SPATA13: variants seen among roughly 807,000 people sequenced by gnomAD.
SPATA13 encodes spermatogenesis associated 13, also known as spermatogenesis-associated protein 13.
SPATA13 carries 50 observed loss-of-function variants against 104.0 expected under a neutral mutation model. The ratio of observed to expected loss-of-function variants is 0.48; its 90% CI spans 0.38 to 0.61. SPATA13 has a LOEUF of 0.61. Among genes scored for constraint, SPATA13 ranks in the 20% least tolerant of loss-of-function variants. SPATA13 has a pLI of 0.00. For missense variants in SPATA13, 1,524 were observed against 1,690.6 expected, an observed-to-expected ratio of 0.90 and a Z score of 1.73; for synonymous variants, 606 against 667.5, an observed-to-expected ratio of 0.91 and a Z score of 1.42.
chr13:24,290,973 T>A, intron 9 of SPATA13, 89 bp downstream of exon 9: 2 of 1,060,646 alleles, frequency 1.9e-6, no homozygotes, highest in Non-Finnish European at 2.8e-6. Flanking sequence ...TAGGTGGGCT[T>A]CAGTGTCAGC....
chr13:24,035,062 A>G (rs982628448), intron 3 of SPATA13: 9 of 152,250 alleles, frequency 5.9e-5, no homozygotes, highest in Admixed American at 4.6e-4. Context: ...TTATCTCAAA[A>G]GACATGAGTT....
rs556434005 is a variant in SPATA13, at chr13:24,058,909, C to A, written c.-112+41208C>A. Among the ~76,000 whole-genome samples, 6 of 151,882 alleles carry A rather than the reference C, an allele frequency of 4.0e-5. No homozygotes were observed. In the East Asian group the frequency reaches 1.2e-3, roughly 29 times the overall value. ...TTGTTTACCCCAGTAATGATGCCAA[C>A]TCTGTCTCATGTAGACCTGTAAGCT... On this transcript the variant is annotated intron_variant, in intron 3 of 14. Transcript: ENST00000424834.
chr13:24,051,398 C>T lies in SPATA13; in HGVS notation c.-112+33697C>T, dbSNP rs967826283. Among the ~76,000 whole-genome samples the T allele has an allele frequency of 4.6e-5, 7 of 152,202 alleles. No individual in the cohort carries two copies. Among genetic ancestry groups the T allele is most frequent in the Admixed American group, 6.5e-5 (1 of 15,268 alleles). Reference sequence around the variant, plus strand: ...CTCTTAAGGACTGCCTGGCATCCCTCCCTATCTCCTTTCAGCCACACCAGG... The same window carrying T: ...CTCTTAAGGACTGCCTGGCATCCCTTCCTATCTCCTTTCAGCCACACCAGG... On this transcript the variant is annotated intron_variant, in intron 3 of 14. Transcript: ENST00000424834. This position sits in a 1 kb window ranked among gnomAD's most constrained non-coding sequence, Gnocchi z 4.2.
At chr13:24,110,167 T>C (rs370960870) in intron 3 of SPATA13, among the ~76,000 whole-genome samples, 8 of 151,674 alleles carry the variant, frequency 5.3e-5, no homozygotes, top group Non-Finnish European at 7.4e-5. Context: ...CCAGAGGAAG[T>C]GGGAGCAGTA....
At chr13:24,269,888 C>A (rs1384452572) in intron 4 of SPATA13, among the ~76,000 whole-genome samples, 1 of 151,218 alleles carries the variant, frequency 6.6e-6, no homozygotes, top group Admixed American at 6.6e-5. Context: ...CTTGCCCAGA[C>A]CTAATTTTTT....
chr13:24,255,261 A>C (rs1384553164), intron 4 of SPATA13, among the ~76,000 whole-genome samples: 1 of 152,138 alleles, frequency 6.6e-6, no homozygotes, highest in African/African-American at 2.4e-5. Flanking sequence ...GACTTGTAGT[A>C]GGATGCCTAC....
At chr13:24,281,980 T>C (rs1168424463) in intron 4 of SPATA13, among the ~76,000 whole-genome samples, 1 of 152,228 alleles carries the variant, frequency 6.6e-6, no homozygotes, top group Non-Finnish European at 1.5e-5. Context: ...GTGCATGAAA[T>C]ACTACTTCTG....
rs1375839236 is a variant in SPATA13 at position 24,012,926 on chromosome 13, GCA to G, written c.-146-4737_-146-4736del. Among the ~76,000 whole-genome samples the G allele has an allele frequency of 7.9e-5, 12 of 152,290 alleles. No individual in the cohort carries two copies. The East Asian group carries it at 1.9e-3, about 25-fold the overall frequency. ...CTCCCCAGCTGTGGCTGGGGACAGG[GCA>G]CACCTAGGCCACAACTCTCCCTCAT... On this transcript the variant is annotated intron_variant, in intron 2 of 14. Transcript: ENST00000424834.
At chr13:24,059,396 G>A (rs1209013472) in intron 3 of SPATA13, among the ~76,000 whole-genome samples, 1 of 152,040 alleles carries the variant, frequency 6.6e-6, no homozygotes, top group African/African-American at 2.4e-5. Flanking sequence ...TAGAGGGAGT[G>A]CCTTGTGTTT....
At chr13:24,225,365 G>A (rs761798312) in intron 2 of SPATA13, among the ~76,000 whole-genome samples, 7 of 152,230 alleles carry the variant, frequency 4.6e-5, no homozygotes, top group East Asian at 1.9e-4. Flanking sequence ...GCTGGCTTCC[G>A]CTGCAGGCAC....
At chr13:24,123,934 T>A in intron 3 of SPATA13, 1 of 548,864 alleles carries the variant, frequency 1.8e-6, no homozygotes, top group East Asian at 3.1e-5. Flanking sequence ...TCTTTCAGGC[T>A]TTTGAGATAA....
In SPATA13 at chr13:24,103,589, A is replaced by G. The variant is rs570977945; in HGVS notation, c.-112+85888A>G. On this transcript the variant is annotated intron_variant, in intron 3 of 14. Coordinates refer to the SPATA13 transcript ENST00000424834. The stretch of plus-strand genomic sequence containing the variant: ...ATACATATGGTAAAAAATGCCTGCC[A>G]GAGCACCAAAATGTTACTTAAACAT... Among the ~76,000 whole-genome samples, 11 of 152,140 alleles carry G rather than the reference A, an allele frequency of 7.2e-5. No individual in the cohort carries two copies. In the East Asian group the frequency reaches 1.2e-3, roughly 16 times the overall value.
At chr13:24,126,602 G>A (rs1383209907) in intron 3 of SPATA13, among the ~76,000 whole-genome samples, 1 of 152,194 alleles carries the variant, frequency 6.6e-6, no homozygotes, top group African/African-American at 2.4e-5. Flanking sequence ...TGTCACTCAG[G>A]CTGGAGTGCA....
At chr13:24,135,954 A>G (rs990925104) in intron 3 of SPATA13, among the ~76,000 whole-genome samples, 5 of 152,124 alleles carry the variant, frequency 3.3e-5, no homozygotes, top group Non-Finnish European at 5.9e-5. Flanking sequence ...TGGGATATTT[A>G]TTTTTAAGTG....
chr13:24,031,973 A>C (rs1000350735), intron 3 of SPATA13, among the ~76,000 whole-genome samples: 22 of 152,126 alleles, frequency 1.4e-4, no homozygotes, highest in African/African-American at 5.1e-4. Context: ...TCTGACAATG[A>C]TTCTTTTGCT....
intron 3 of SPATA13, among the ~76,000 whole-genome samples, chr13:24,096,907 T>C (rs1400670966): frequency 1.3e-5 from 2 of 152,186 alleles, no homozygotes. Flanking sequence ...AAGGAGATGC[T>C]GCTGAGGATT....
At chr13:24,017,246 G>C (rs1327095983) in intron 2 of SPATA13, among the ~76,000 whole-genome samples, 1 of 152,226 alleles carries the variant, frequency 6.6e-6, no homozygotes, top group African/African-American at 2.4e-5. Flanking sequence ...CTCAGTTAAT[G>C]CTCACAATTC....
At chr13:24,230,188 C>T (rs983681858) in intron 2 of SPATA13, among the ~76,000 whole-genome samples, 1 of 152,176 alleles carries the variant, frequency 6.6e-6, no homozygotes, top group African/African-American at 2.4e-5. Flanking sequence ...AAGCAGAAGT[C>T]AAACAGTGCA....
At chr13:24,089,326 G>A (rs1010748506) in intron 3 of SPATA13, among the ~76,000 whole-genome samples, 4 of 152,064 alleles carry the variant, frequency 2.6e-5, no homozygotes, top group African/African-American at 9.7e-5. Flanking sequence ...CACACCACTC[G>A]GACCACATTC....
Sources: allele counts gnomAD v4.1 joint callset (sites outside exome capture counted in the v4.1 genomes callset), GRCh38; gene constraint gnomAD v4.1.1; non-coding constraint Gnocchi (gnomAD v3.1); transcripts MANE v1.5; gene names NCBI Gene and HGNC (gene_info 2026-07-23, HGNC 2026-07-21).